KCNK13: variants seen among roughly 807,000 people sequenced by gnomAD.
KCNK13 encodes potassium channel subfamily K member 13.
KCNK13 carries 12 observed loss-of-function variants against 23.4 expected under a neutral mutation model. The ratio of observed to expected loss-of-function variants is 0.51; its 90% CI spans 0.33 to 0.83. The LOEUF is 0.83. Ranked by LOEUF, KCNK13 falls within the 40% of genes least tolerant of loss-of-function variation. KCNK13 has a pLI of 0.02. For synonymous variants in KCNK13, 231 were observed against 229.5 expected (o/e 1.01, Z -0.06); for missense variants, 463 against 556.3 (o/e 0.83, Z 1.69).
rs565055470 is a variant in KCNK13, at chr14:90,182,396, G to A, written c.335-1715G>A. Reference sequence around the variant, plus strand: ...TTCCAGGGTGCACTGGGAGGCAGCCGTTGACCGAGCTGTAGCAACAAGGAA... The same window carrying A: ...TTCCAGGGTGCACTGGGAGGCAGCCATTGACCGAGCTGTAGCAACAAGGAA... On this transcript the variant is annotated intron_variant, in intron 1 of 1. Transcript: ENST00000282146. 7.9e-5 allele frequency among the ~76,000 whole-genome samples: 12 copies of A among 152,250 alleles called. No homozygotes were observed. In the South Asian group the frequency reaches 1.0e-3, roughly 13 times the overall value.
chr14:90,144,117 A>T (rs1890045311), intron 1 of KCNK13, among the ~76,000 whole-genome samples: 1 of 152,232 alleles, frequency 6.6e-6, no homozygotes, highest in South Asian at 2.1e-4. Flanking sequence ...AATTTTGATT[A>T]GAATTGCATT....
intron 1 of KCNK13, among the ~76,000 whole-genome samples, chr14:90,171,814 G>A (rs1890367777): frequency 6.6e-6 from 1 of 152,184 alleles, no homozygotes; most frequent in African/African-American, 2.4e-5. Context: ...ATGAGAGGCA[G>A]GTTTGACCTG....
chr14:90,153,148 AG>A (rs1024505026), intron 1 of KCNK13, among the ~76,000 whole-genome samples: 2 of 152,128 alleles, frequency 1.3e-5, no homozygotes, highest in African/African-American at 4.8e-5. Context: ...CCTGCCTCCC[AG>A]GGGAAGCCTT....
intron 1 of KCNK13, among the ~76,000 whole-genome samples, chr14:90,101,429 G>A (rs145128966): frequency 7.9e-5 from 12 of 152,134 alleles, no homozygotes; most frequent in African/African-American, 2.9e-4. Context: ...CTCCCATGGG[G>A]TGCAACGCAG....
chr14:90,122,429 T>TGCCTCA (rs879338294), intron 1 of KCNK13, among the ~76,000 whole-genome samples: 12 of 152,114 alleles, frequency 7.9e-5, no homozygotes, highest in Admixed American at 3.3e-4. Flanking sequence ...GCGATTCTCC[T>TGCCTCA]GCCTCAGCCT....
intron 1 of KCNK13, among the ~76,000 whole-genome samples, chr14:90,138,944 G>T (rs933783343): frequency 9.2e-5 from 14 of 152,306 alleles, no homozygotes; most frequent in Admixed American, 4.6e-4. Flanking sequence ...ACACATCGAG[G>T]CAGGCAGTGT....
At chr14:90,082,709 A>G (rs1889227788) in intron 1 of KCNK13, among the ~76,000 whole-genome samples, 1 of 152,224 alleles carries the variant, frequency 6.6e-6, no homozygotes, top group Non-Finnish European at 1.5e-5. Context: ...CTTTTTAGCT[A>G]CTATGAATAA....
At chr14:90,114,170 A>G (rs374435190) in intron 1 of KCNK13, among the ~76,000 whole-genome samples, 42 of 151,918 alleles carry the variant, frequency 2.8e-4, no homozygotes, top group African/African-American at 6.3e-4. Context: ...TTTATTTCCA[A>G]TTTCTATCTA....
In KCNK13 at chr14:90,062,446, G is replaced by T; in HGVS notation, c.241G>T (p.Ala81Ser). The T allele has an allele frequency of 6.5e-7, 1 of 1,546,424 alleles. No individual in the cohort carries two copies. Among genetic ancestry groups the T allele is most frequent in the East Asian group, 2.5e-5 (1 of 40,740 alleles). ...CGGCTTCCTCCGCCACTACGAGGAG[G>T]CCACTCGGGCCGGCATCCGCGTGGA... ...LRGFLRHYEE[A>S]TRAGIRVDNV... Residue 81 changes from alanine (A) to serine (S), a missense_variant, in exon 1 of 2, where the codon GCC (alanine) becomes TCC (serine). Around this residue, in one of 3 missense-constraint regions of KCNK13, gnomAD observed 153 missense variants for 153.6 expected, o/e 1.00. Coordinates refer to ENST00000282146, the MANE Select transcript of KCNK13 (RefSeq NM_022054.4). The surrounding 1 kb of genome is among the most constrained non-coding windows in gnomAD (Gnocchi z 4.5).
intron 1 of KCNK13, among the ~76,000 whole-genome samples, chr14:90,181,276 A>T (rs1237384724): frequency 6.6e-6 from 1 of 152,152 alleles, no homozygotes; most frequent in East Asian, 1.9e-4. Context: ...AATACTGAAG[A>T]CTGGGAGGTT....
chr14:90,161,023 A>G (rs1276873171), intron 1 of KCNK13, among the ~76,000 whole-genome samples: 1 of 152,208 alleles, frequency 6.6e-6, no homozygotes, highest in Middle Eastern at 3.2e-3. Context: ...CATTATTCAC[A>G]GCCAAAAGGA....
intron 1 of KCNK13, among the ~76,000 whole-genome samples, chr14:90,111,671 C>T (rs1386606078): frequency 1.3e-5 from 2 of 152,192 alleles, no homozygotes; most frequent in African/African-American, 4.8e-5. Context: ...GCCCTTTCGT[C>T]TCTAGATGCA....
chr14:90,183,122 ATGCATTCTTAATGGTATGCCTGTG>A (rs1011723889), intron 1 of KCNK13, among the ~76,000 whole-genome samples: 11 of 152,172 alleles, frequency 7.2e-5, no homozygotes, highest in African/African-American at 2.4e-4. Flanking sequence ...GTTCTACAAT[ATGCATTCTTAATGGTATGCCTGTG>A]TGCACAGGTA....
At chr14:90,116,944 C>A (rs1889684092) in intron 1 of KCNK13, among the ~76,000 whole-genome samples, 1 of 152,140 alleles carries the variant, frequency 6.6e-6, no homozygotes, top group African/African-American at 2.4e-5. Context: ...TGGTTCAAGC[C>A]TCAGATACTA....
At chr14:90,125,858 A>G (rs147502691) in intron 1 of KCNK13, among the ~76,000 whole-genome samples, 4 of 152,010 alleles carry the variant, frequency 2.6e-5, no homozygotes, top group African/African-American at 7.3e-5. Flanking sequence ...CCTCATCTCT[A>G]CAGAAAAATA....
intron 1 of KCNK13, among the ~76,000 whole-genome samples, chr14:90,094,071 C>T (rs945896676): frequency 6.6e-6 from 1 of 152,062 alleles, no homozygotes; most frequent in Non-Finnish European, 1.5e-5. Flanking sequence ...TCTCTGAGGT[C>T]GTGCTGTCTG....
At chr14:90,148,446 A>G (rs1566646056) in intron 1 of KCNK13, among the ~76,000 whole-genome samples, 1 of 152,222 alleles carries the variant, frequency 6.6e-6, no homozygotes, top group African/African-American at 2.4e-5. Flanking sequence ...TTTCATATGG[A>G]TAATAAATGC....
intron 1 of KCNK13, among the ~76,000 whole-genome samples, chr14:90,113,571 A>G (rs912453272): frequency 9.2e-5 from 14 of 152,138 alleles, no homozygotes; most frequent in African/African-American, 3.4e-4. Context: ...GTGGGTAGTA[A>G]CGTACTAATG....
chr14:90,122,044 T>C (rs955021946), intron 1 of KCNK13, among the ~76,000 whole-genome samples: 4 of 152,124 alleles, frequency 2.6e-5, no homozygotes, highest in Non-Finnish European at 5.9e-5. Context: ...CTGTATATTT[T>C]ATATCTTTTT....
Sources: allele counts gnomAD v4.1 joint callset (sites outside exome capture counted in the v4.1 genomes callset), GRCh38; gene constraint gnomAD v4.1.1; regional missense constraint gnomAD v4.1.1; non-coding constraint Gnocchi (gnomAD v3.1); transcripts MANE v1.5; gene names NCBI Gene and HGNC (gene_info 2026-07-23, HGNC 2026-07-21).